FCHSD2: variants seen among roughly 807,000 people sequenced by gnomAD.
FCHSD2 encodes the protein F-BAR and double SH3 domains protein 2.
FCHSD2 carries 38 observed loss-of-function variants against 108.1 expected under a neutral mutation model. The observed-to-expected ratio is 0.35, with a 90% confidence interval of 0.27 to 0.46. The LOEUF is 0.46. Among genes scored for constraint, FCHSD2 ranks in the 20% least tolerant of loss-of-function variants. The pLI is 1.00. For missense variants in FCHSD2, 751 were observed against 897.8 expected, an observed-to-expected ratio of 0.84 and a Z score of 2.09; for synonymous variants, 279 against 314.7, an observed-to-expected ratio of 0.89 and a Z score of 1.20.
chr11:72,884,113 AG>A (rs1855147418), intron 12 of FCHSD2, among the ~76,000 whole-genome samples: 1 of 152,124 alleles, frequency 6.6e-6, no homozygotes, highest in African/African-American at 2.4e-5. Context: ...TATCATTAAT[AG>A]CAGGACAACT....
intron 14 of FCHSD2, among the ~76,000 whole-genome samples, chr11:72,849,228 T>TAGTCAA (rs1861224138): frequency 1.3e-5 from 2 of 152,130 alleles, no homozygotes; most frequent in African/African-American, 4.8e-5. Flanking sequence ...CTTCCAACAT[T>TAGTCAA]CATGTAGTCA....
At chr11:73,108,822 C>T (rs774480082) in intron 2 of FCHSD2, among the ~76,000 whole-genome samples, 21 of 152,190 alleles carry the variant, frequency 1.4e-4, no homozygotes, top group African/African-American at 3.1e-4. Context: ...CCACCCGCTT[C>T]GGCCTCCCAA....
chr11:73,024,158 G>A (rs914965963), intron 3 of FCHSD2, among the ~76,000 whole-genome samples: 2 of 151,788 alleles, frequency 1.3e-5, no homozygotes, highest in African/African-American at 4.8e-5. Context: ...CTTAATATAC[G>A]TAAATTAAAA....
At position 73,006,682 on chromosome 11, in the gene FCHSD2, T is replaced by G. The variant is rs547197774; in HGVS notation, c.243-5548A>C. 2.0e-5 allele frequency among the ~76,000 whole-genome samples: 3 copies of G among 152,376 alleles called. No homozygotes were observed. In the East Asian group the frequency reaches 5.8e-4, roughly 29 times the overall value. Reference sequence around the variant, plus strand: ...GCAATCACTTCTTGGCCCTCTGTATTCTCCCTACTATGCTTACTGCTCTTA... The same window carrying G: ...GCAATCACTTCTTGGCCCTCTGTATGCTCCCTACTATGCTTACTGCTCTTA... On this transcript the variant is annotated intron_variant, in intron 4 of 19. Coordinates refer to ENST00000409418, the MANE Select transcript of FCHSD2 (RefSeq NM_014824.3).
intron 2 of FCHSD2, among the ~76,000 whole-genome samples, chr11:73,111,405 T>C (rs1860481471): frequency 6.6e-6 from 1 of 152,156 alleles, no homozygotes; most frequent in South Asian, 2.1e-4. Context: ...GTCTGATATA[T>C]GCATAGCTAC....
At chr11:72,939,949 G>A (rs956063143) in intron 8 of FCHSD2, among the ~76,000 whole-genome samples, 4 of 152,058 alleles carry the variant, frequency 2.6e-5, no homozygotes, top group Admixed American at 6.5e-5. Context: ...GAGTAGTAAA[G>A]TTCCAGGGAG....
At chr11:72,870,248 AT>A (rs1238798661) in intron 12 of FCHSD2, among the ~76,000 whole-genome samples, 2 of 152,256 alleles carry the variant, frequency 1.3e-5, no homozygotes, top group East Asian at 3.9e-4. Flanking sequence ...AGCACTCTAT[AT>A]AGATCTAATT....
chr11:73,126,740 T>C (rs974646099), intron 2 of FCHSD2, among the ~76,000 whole-genome samples: 9 of 151,930 alleles, frequency 5.9e-5, no homozygotes, highest in Non-Finnish European at 8.8e-5. Flanking sequence ...AAAAAGAACA[T>C]ACAATAAAAA....
intron 8 of FCHSD2, chr11:72,983,638 T>C (rs902795220): frequency 3.6e-5 from 8 of 223,312 alleles, no homozygotes; most frequent in African/African-American, 4.7e-5. Context: ...AAAATACAGA[T>C]ACAATCTAAC....
At chr11:72,974,805 A>G (rs2135388513) in intron 8 of FCHSD2, among the ~76,000 whole-genome samples, 1 of 152,226 alleles carries the variant, frequency 6.6e-6, no homozygotes, top group East Asian at 1.9e-4. Context: ...GAAAGAGGGC[A>G]TTAAAAAAAA....
intron 2 of FCHSD2, among the ~76,000 whole-genome samples, chr11:73,138,650 C>T (rs1037042427): frequency 2.0e-5 from 3 of 149,504 alleles, no homozygotes; most frequent in Non-Finnish European, 4.4e-5. Context: ...ACTCTGTTGC[C>T]CAGGCTGGAG....
intron 4 of FCHSD2, among the ~76,000 whole-genome samples, chr11:73,008,722 G>C (rs975589280): frequency 6.6e-6 from 1 of 152,158 alleles, no homozygotes; most frequent in African/African-American, 2.4e-5. Context: ...TCAAGCAGGG[G>C]AGTGACAGTA....
chr11:72,998,277 T>C lies in FCHSD2; in HGVS notation c.387+2713A>G, dbSNP rs957216110. On this transcript the variant is annotated intron_variant, in intron 5 of 19. Coordinates refer to ENST00000409418, the MANE Select transcript of FCHSD2 (RefSeq NM_014824.3). ...AATTTGGACCAGGCGAGGTGGCTCA[T>C]GCCTGTAATCCCCGCACTTTTGGAG... is the stretch of plus-strand genomic sequence containing the variant. Among the ~76,000 whole-genome samples, 21 of 152,318 alleles carry C rather than the reference T, an allele frequency of 1.4e-4. No homozygotes were observed. In the East Asian group the frequency reaches 3.7e-3, roughly 27 times the overall value.
intron 3 of FCHSD2, among the ~76,000 whole-genome samples, chr11:73,076,542 T>C (rs890571449): frequency 1.3e-5 from 2 of 152,142 alleles, no homozygotes; most frequent in Non-Finnish European, 2.9e-5. Flanking sequence ...AGGATAAAAG[T>C]AGAGACTGAC....
chr11:72,858,011 A>G (rs1242339469), intron 13 of FCHSD2, among the ~76,000 whole-genome samples: 1 of 152,238 alleles, frequency 6.6e-6, no homozygotes, highest in African/African-American at 2.4e-5. Flanking sequence ...ACTTCTTCAC[A>G]GGGTTAGCAT....
chr11:72,926,540 C>G (rs962419540), intron 8 of FCHSD2, among the ~76,000 whole-genome samples: 57 of 152,134 alleles, frequency 3.7e-4, no homozygotes, highest in African/African-American at 1.3e-3. Context: ...CAATGACTTG[C>G]CTGTGGACAA....
Position 73,001,067 on chromosome 11 carries a change from T to C in FCHSD2, c.310A>G (p.Ile104Val). The change falls in exon 5 of 20, where the codon ATA becomes GTA. Residue 104 changes from isoleucine (I) to valine (V), a missense_variant. Coordinates refer to ENST00000409418, the MANE Select transcript of FCHSD2 (RefSeq NM_014824.3). ...TMQVAQSRMN[I>V]CENYKNFISE... ...ATGAAGTTTTTATAGTTTTCACATA[T>C]ATTCATCCGAGACTGGGCTACCTGC... is the stretch of plus-strand genomic sequence containing the variant. 6.2e-7 allele frequency: 1 copy of C among 1,613,136 alleles called. No homozygotes were observed. The highest frequency in any genetic ancestry group is 8.5e-7 in the Non-Finnish European group (1 of 1,179,416).
At chr11:72,964,405 C>T (rs1297131280) in intron 8 of FCHSD2, among the ~76,000 whole-genome samples, 1 of 152,172 alleles carries the variant, frequency 6.6e-6, no homozygotes, top group Admixed American at 6.5e-5. Context: ...AATGTAACCA[C>T]GTCTGAGAAG....
At chr11:72,931,777 A>G (rs1047355698) in intron 8 of FCHSD2, among the ~76,000 whole-genome samples, 5 of 152,124 alleles carry the variant, frequency 3.3e-5, no homozygotes, top group African/African-American at 1.2e-4. Flanking sequence ...AAACACAAAA[A>G]ACTCTTCTTA....
Sources: gnomAD v4.1 joint callset for allele counts (sites outside exome capture counted in the v4.1 genomes callset) on GRCh38, gnomAD v4.1.1 for gene constraint, MANE v1.5 for transcripts, NCBI Gene and HGNC (gene_info 2026-07-23, HGNC 2026-07-21) for gene names.